The following SEC22A variants were observed in gnomAD, a reference collection of about 807,000 sequenced individuals.
SEC22A encodes the protein vesicle-trafficking protein SEC22a.
A neutral mutation model predicts 35.3 loss-of-function variants in SEC22A; 22 were observed. That is an observed-to-expected ratio of 0.62 (90% confidence interval 0.45 to 0.89). SEC22A has a LOEUF of 0.89. SEC22A is among the 40% of genes least tolerant of loss of function. SEC22A has a pLI of 0.00. For synonymous variants in SEC22A, 119 were observed against 129.5 expected, an observed-to-expected ratio of 0.92 and a Z score of 0.55; for missense variants, 354 against 362.5, an observed-to-expected ratio of 0.98 and a Z score of 0.19.
intron 6 of SEC22A, among the ~76,000 whole-genome samples, chr3:123,264,753 C>T (rs1001555445): frequency 1.3e-5 from 2 of 151,692 alleles, no homozygotes; most frequent in Admixed American, 6.6e-5. Context: ...CTTAGCCACC[C>T]GAGTAGCTAG....
At chr3:123,230,747 G>A (rs1272864442) in intron 4 of SEC22A, among the ~76,000 whole-genome samples, 6 of 124,498 alleles carry the variant, frequency 4.8e-5, no homozygotes, top group African/African-American at 1.6e-4. Context: ...AGCCAAAAAA[G>A]GCATGAGATG....
intron 2 of SEC22A, among the ~76,000 whole-genome samples, chr3:123,217,066 T>C (rs1460908653): frequency 2.6e-5 from 4 of 152,188 alleles, no homozygotes; most frequent in Non-Finnish European, 5.9e-5. Context: ...TGGGCTCAAG[T>C]AGTCCTTCTG....
At chr3:123,257,496 A>G (rs555977159) in intron 5 of SEC22A, among the ~76,000 whole-genome samples, 3 of 152,022 alleles carry the variant, frequency 2.0e-5, no homozygotes, top group South Asian at 4.2e-4. Flanking sequence ...CAGGAGTTCA[A>G]AATCAGCCTG....
At chr3:123,217,633 CAG>C (rs2108038979) in intron 2 of SEC22A, among the ~76,000 whole-genome samples, 1 of 152,240 alleles carries the variant, frequency 6.6e-6, no homozygotes, top group African/African-American at 2.4e-5. Flanking sequence ...AAAGGATAAG[CAG>C]AGTTTCTATG....
At chr3:123,237,533 T>G (rs1251581823) in intron 4 of SEC22A, among the ~76,000 whole-genome samples, 1 of 152,236 alleles carries the variant, frequency 6.6e-6, no homozygotes, top group East Asian at 1.9e-4. Flanking sequence ...CACTGATCTC[T>G]GTAATTACCT....
At chr3:123,243,130 C>T (rs1277821564) in intron 4 of SEC22A, among the ~76,000 whole-genome samples, 1 of 151,976 alleles carries the variant, frequency 6.6e-6, no homozygotes, top group East Asian at 1.9e-4. Flanking sequence ...TAGCAATGCC[C>T]TATAGCAGAA....
chr3:123,206,982 C>T (rs141178769), intron 1 of SEC22A, among the ~76,000 whole-genome samples: 2 of 152,142 alleles, frequency 1.3e-5, no homozygotes, highest in African/African-American at 2.4e-5. Flanking sequence ...TAGCTACTCG[C>T]GAGGCTGAGG....
intron 1 of SEC22A, among the ~76,000 whole-genome samples, chr3:123,204,438 A>G (rs1015243357): frequency 6.6e-6 from 1 of 152,194 alleles, no homozygotes; most frequent in Non-Finnish European, 1.5e-5. Context: ...TAAAAGTGGC[A>G]TTTGTGAAAG....
At chr3:123,205,191 A>T (rs1196074944) in intron 1 of SEC22A, among the ~76,000 whole-genome samples, 1 of 152,200 alleles carries the variant, frequency 6.6e-6, no homozygotes, top group East Asian at 1.9e-4. Flanking sequence ...TGATCATTGG[A>T]CATTCATCCC....
At chr3:123,259,767 A>G (rs1937835924) in intron 6 of SEC22A, among the ~76,000 whole-genome samples, 178 bp downstream of exon 6, 1 of 152,196 alleles carries the variant, frequency 6.6e-6, no homozygotes, top group African/African-American at 2.4e-5. Flanking sequence ...CATACATCCC[A>G]GTGAACCTGA....
Position 123,257,295 on chromosome 3 carries a change from C to T in SEC22A, c.658-2229C>T, listed in dbSNP as rs191458379. ...TTGCAAATGTTATTTCACTTAATCTCTACAACTTTTATTTTTCAAAAGAGG... is the reference window on the plus strand; with the variant it reads ...TTGCAAATGTTATTTCACTTAATCTTTACAACTTTTATTTTTCAAAAGAGG... On this transcript the variant is annotated intron_variant, in intron 5 of 6. Transcript: ENST00000492595. Among the ~76,000 whole-genome samples the T allele has an allele frequency of 1.6e-4, 24 of 152,250 alleles. No individual in the cohort carries two copies. In the East Asian group the frequency reaches 3.5e-3, roughly 22 times the overall value.
At chr3:123,267,280 CTTTTTTCTT>C (rs1938048338) in intron 6 of SEC22A, among the ~76,000 whole-genome samples, 1 of 140,534 alleles carries the variant, frequency 7.1e-6, no homozygotes, top group Non-Finnish European at 1.6e-5. Flanking sequence ...TTTTTTTTTT[CTTTTTTCTT>C]TTTTTTCTTT....
chr3:123,246,942 A>G (rs746289961), intron 5 of SEC22A, among the ~76,000 whole-genome samples: 1 of 152,232 alleles, frequency 6.6e-6, no homozygotes, highest in Non-Finnish European at 1.5e-5. Context: ...ATGACATCAC[A>G]GGTTCCAGCA....
chr3:123,233,351 C>G (rs1286484211), intron 4 of SEC22A, among the ~76,000 whole-genome samples: 2 of 152,080 alleles, frequency 1.3e-5, no homozygotes, highest in Non-Finnish European at 2.9e-5. Context: ...ACCATATAGC[C>G]TAGGTATGTA....
Position 123,246,157 on chromosome 3 carries a change from T to C in SEC22A, c.657+143T>C, listed in dbSNP as rs988419051. The C allele has an allele frequency of 7.3e-6, 4 of 548,240 alleles. No homozygotes were observed. In the African/African-American group the frequency reaches 7.6e-5, roughly 10 times the overall value. The allele number at this position is 548,240 out of a possible 1,614,324, so 34.0% of individuals were successfully genotyped here. A position where few individuals can be genotyped will look rare whatever the true frequency, so the allele number is the denominator to read the frequency against. ...TTTTTTTATATCTGCTTTAGCCTCC[T>C]TCTAAAAACACTGGTTGGCTTCTTT... is the stretch of plus-strand genomic sequence containing the variant. On this transcript the variant is annotated intron_variant, in intron 5 of 6. Coordinates refer to ENST00000492595, the MANE Select transcript of SEC22A (RefSeq NM_012430.5).
In SEC22A at chr3:123,244,561, A is replaced by G. The variant is rs999582105; in HGVS notation, c.542-1338A>G. 7.2e-5 allele frequency among the ~76,000 whole-genome samples: 11 copies of G among 152,226 alleles called. No individual in the cohort carries two copies. The East Asian group carries it at 1.7e-3, about 24-fold the overall frequency. ...TCAAGGAAATTGATTGAGAGCAGGCAGCTTGGGCACCAGAGAAGTTTAAGA... is the reference window on the plus strand; with the variant it reads ...TCAAGGAAATTGATTGAGAGCAGGCGGCTTGGGCACCAGAGAAGTTTAAGA... On this transcript the variant is annotated intron_variant, in intron 4 of 6. Coordinates refer to ENST00000492595, the MANE Select transcript of SEC22A (RefSeq NM_012430.5).
chr3:123,267,179 A>T (rs1027783174), intron 6 of SEC22A, among the ~76,000 whole-genome samples: 1 of 151,684 alleles, frequency 6.6e-6, no homozygotes, highest in African/African-American at 2.4e-5. Flanking sequence ...CATGGGGTTG[A>T]TTCATGTTTT....
intron 2 of SEC22A, 89 bp downstream of exon 2, chr3:123,209,488 T>G: frequency 9.9e-7 from 1 of 1,014,008 alleles, no homozygotes; most frequent in Middle Eastern, 3.2e-4. Context: ...AAGGAGTGAT[T>G]AGGAAAACCT....
intron 4 of SEC22A, among the ~76,000 whole-genome samples, chr3:123,228,630 G>A (rs976348762): frequency 1.2e-4 from 18 of 151,608 alleles, no homozygotes; most frequent in African/African-American, 4.4e-4. Flanking sequence ...TGGGCATGGG[G>A]TAGAGGGGAC....
Sources: allele counts gnomAD v4.1 joint callset (sites outside exome capture counted in the v4.1 genomes callset), GRCh38; gene constraint gnomAD v4.1.1; transcripts MANE v1.5; gene names NCBI Gene and HGNC (gene_info 2026-07-23, HGNC 2026-07-21).